The following COL4A2 variants were observed in gnomAD, a reference collection of about 807,000 sequenced individuals.
COL4A2 encodes collagen type IV alpha 2 chain, also known as collagen alpha-2(IV) chain.
In COL4A2, 99 loss-of-function variants were observed where a neutral mutation model predicts 200.2. The ratio of observed to expected loss-of-function variants is 0.49; its 90% CI spans 0.42 to 0.58. The LOEUF (loss-of-function observed/expected upper bound fraction) is 0.58, where lower values mean the gene tolerates loss of function less well. COL4A2 is among the 20% of genes least tolerant of loss of function. The pLI, the probability that COL4A2 is intolerant of heterozygous loss-of-function variation, is 0.00. For missense variants in COL4A2, 1,950 were observed against 2,314.1 expected (o/e 0.84, Z 3.23); for synonymous variants, 897 against 900.6 (o/e 1.00, Z 0.07).
chr13:110,476,093 C>A (rs72657974), intron 29 of COL4A2, among the ~76,000 whole-genome samples: 4,166 of 152,282 alleles, frequency 0.027, 90 homozygotes, highest in Middle Eastern at 0.099. Context: ...CTGCTGAGGC[C>A]ATCTCGCCTG....
chr13:110,457,307 G>A (rs1290823384), intron 20 of COL4A2, 36 bp from the exon 21 acceptor site: 1 of 1,364,480 alleles, frequency 7.3e-7, no homozygotes, highest in Non-Finnish European at 1.0e-6. Flanking sequence ...AGGCGTCCGT[G>A]GGGCTCATGC....
At chr13:110,425,529 A>T (rs1046578336) in intron 6 of COL4A2, among the ~76,000 whole-genome samples, 1 of 152,162 alleles carries the variant, frequency 6.6e-6, no homozygotes, top group East Asian at 1.9e-4. Flanking sequence ...AAATAAACAA[A>T]ACAGCCTGAC....
At chr13:110,441,218 C>T (rs1195592689) in intron 16 of COL4A2, among the ~76,000 whole-genome samples, 5 of 152,110 alleles carry the variant, frequency 3.3e-5, no homozygotes, top group South Asian at 2.1e-4. Context: ...AGTAGTGTGG[C>T]GTCTGGAGGC....
At chr13:110,311,581 G>A (rs932858498) in intron 3 of COL4A2, among the ~76,000 whole-genome samples, 1 of 152,200 alleles carries the variant, frequency 6.6e-6, no homozygotes, top group African/African-American at 2.4e-5. Flanking sequence ...GTGGGTGCAT[G>A]TGAAGCGCCT....
chr13:110,436,192 G>T lies in COL4A2; in HGVS notation c.727-77G>T, dbSNP rs1390662211. The T allele has an allele frequency of 1.9e-6, 3 of 1,603,122 alleles. No individual in the cohort carries two copies. In the African/African-American group the frequency reaches 4.0e-5, roughly 21 times the overall value. ...CAAACATTAAAACTGCAGTATTTTG[G>T]CCAGGTTGTATTTGTATTCGAGTTT... On this transcript the variant is annotated intron_variant, in intron 12 of 47. Coordinates refer to ENST00000360467, the MANE Select transcript of COL4A2 (RefSeq NM_001846.4).
At chr13:110,477,453 T>C (rs66546432) in intron 29 of COL4A2, among the ~76,000 whole-genome samples, 22,624 of 152,250 alleles carry the variant, frequency 0.15, 1,810 homozygotes, top group Middle Eastern at 0.21. Context: ...AGTGTTTGCT[T>C]TGATACACGA....
chr13:110,430,839 C>G (rs1341072848), intron 10 of COL4A2: 2 of 758,244 alleles, frequency 2.6e-6, no homozygotes, highest in South Asian at 2.7e-5. Context: ...CCAGTTATGT[C>G]AAATTTTGAC....
At chr13:110,423,984 G>A (rs892357875) in intron 4 of COL4A2, among the ~76,000 whole-genome samples, 1 of 152,188 alleles carries the variant, frequency 6.6e-6, no homozygotes, top group Admixed American at 6.5e-5. Flanking sequence ...CCTTTTGGCT[G>A]TTGTGAATCA....
intron 20 of COL4A2, among the ~76,000 whole-genome samples, chr13:110,452,311 C>T (rs980367343): frequency 6.6e-6 from 1 of 150,820 alleles, no homozygotes; most frequent in Non-Finnish European, 1.5e-5. Flanking sequence ...CACAGGCGCC[C>T]GCCCTCACGC....
intron 3 of COL4A2, among the ~76,000 whole-genome samples, chr13:110,340,664 C>G (rs976072853): frequency 6.6e-6 from 1 of 152,210 alleles, no homozygotes; most frequent in African/African-American, 2.4e-5. Context: ...GAAAGGAGAG[C>G]AGTCCTGTAG....
At chr13:110,486,443 G>A (rs948927375) in intron 34 of COL4A2, among the ~76,000 whole-genome samples, 16 of 152,186 alleles carry the variant, frequency 1.1e-4, no homozygotes, top group Admixed American at 7.2e-4. Flanking sequence ...ATAGCACAGC[G>A]TGGCTCCCCA....
intron 4 of COL4A2, among the ~76,000 whole-genome samples, chr13:110,405,959 T>C (rs1383666609): frequency 6.6e-6 from 1 of 152,204 alleles, no homozygotes; most frequent in African/African-American, 2.4e-5. Flanking sequence ...CTGGAGGTCA[T>C]GTTCTGATGA....
At chr13:110,450,498 G>A in intron 20 of COL4A2, 44 bp downstream of exon 20, 2 of 1,604,008 alleles carry the variant, frequency 1.2e-6, no homozygotes, top group South Asian at 2.2e-5. Context: ...CTAATGTTCA[G>A]ATGAAGCCCG....
chr13:110,426,016 C>T lies in COL4A2; in HGVS notation c.360+1019C>T, dbSNP rs7332584. On this transcript the variant is annotated intron_variant, in intron 6 of 47. Coordinates refer to ENST00000360467, the MANE Select transcript of COL4A2 (RefSeq NM_001846.4). ...TACCTGAATGGTAGGCTCAAACAGG[C>T]ACTTGGGTTTACCACATGGCCCTGA... 5.1e-3 allele frequency among the ~76,000 whole-genome samples: 779 copies of T among 152,308 alleles called. 6 individuals are homozygous for T. Among genetic ancestry groups the T allele is most frequent in the Middle Eastern group, 0.01 (3 of 294 alleles).
Position 110,324,572 on chromosome 13 carries a change from A to G in COL4A2, c.99+16449A>G, listed in dbSNP as rs528060571. ...GATGGGCCGGAGCAGCACTGCCCGA[A>G]CGGATGCACGTTTGACTCAGCCGAT... On this transcript the variant is annotated intron_variant, in intron 3 of 47. Transcript: ENST00000360467. Among the ~76,000 whole-genome samples, 101 of 152,324 alleles carry G rather than the reference A, an allele frequency of 6.6e-4. 1 individual carries two copies. The Middle Eastern group carries it at 0.034, about 51-fold the overall frequency.
At chr13:110,414,937 T>C (rs1410267707) in intron 4 of COL4A2, among the ~76,000 whole-genome samples, 1 of 152,228 alleles carries the variant, frequency 6.6e-6, no homozygotes, top group African/African-American at 2.4e-5. Context: ...ATTTTTTTTG[T>C]TAATTATCTT....
At chr13:110,366,863 G>A (rs1877778291) in intron 4 of COL4A2, among the ~76,000 whole-genome samples, 1 of 152,184 alleles carries the variant, frequency 6.6e-6, no homozygotes. Context: ...GTCAACCTGA[G>A]GCCCTGAGCT....
chr13:110,382,597 A>C (rs571023087), intron 4 of COL4A2, among the ~76,000 whole-genome samples: 1 of 152,386 alleles, frequency 6.6e-6, no homozygotes, highest in South Asian at 2.1e-4. Flanking sequence ...ACACAAAGTA[A>C]ATAAAATTGA....
intron 4 of COL4A2, among the ~76,000 whole-genome samples, chr13:110,408,971 CAT>C (rs1879707404): frequency 7.3e-5 from 1 of 13,788 alleles, no homozygotes. Flanking sequence ...ACATAACGCA[CAT>C]ATACACACAC....
Sources: gnomAD v4.1 joint callset for allele counts (sites outside exome capture counted in the v4.1 genomes callset) on GRCh38, gnomAD v4.1.1 for gene constraint, MANE v1.5 for transcripts, NCBI Gene and HGNC (gene_info 2026-07-23, HGNC 2026-07-21) for gene names.